MCTP1: variants seen among roughly 807,000 people sequenced by gnomAD.
The protein encoded by MCTP1 is multiple C2 and transmembrane domain-containing protein 1.
MCTP1 carries 69 observed loss-of-function variants against 120.6 expected under a neutral mutation model. The ratio of observed to expected loss-of-function variants is 0.57; its 90% CI spans 0.47 to 0.70. The LOEUF (loss-of-function observed/expected upper bound fraction) is 0.70. Ranked by LOEUF, MCTP1 falls within the 30% of genes least tolerant of loss-of-function variation. MCTP1 has a pLI of 0.00. For missense variants in MCTP1, 1,203 were observed against 1,248.8 expected (o/e 0.96, Z 0.55); for synonymous variants, 529 against 493.1 (o/e 1.07, Z -0.96).
intron 1 of MCTP1, among the ~76,000 whole-genome samples, chr5:95,075,672 G>C (rs1329499195): frequency 6.6e-6 from 1 of 152,112 alleles, no homozygotes; most frequent in Non-Finnish European, 1.5e-5. Flanking sequence ...TCTAAAACTT[G>C]TGTATATTTT....
At position 95,284,400 on chromosome 5, in the gene MCTP1, G is replaced by A. The variant is rs1343109758; in HGVS notation, c.176C>T (p.Pro59Leu). Residue 59 changes from proline (P) to leucine (L), a missense_variant, in exon 1 of 23, where the codon CCA becomes CTA. Physicochemically the swap from Pro to Leu is moderately conservative, Grantham distance 98. This residue lies in a region of MCTP1 where 463 missense variants were observed against 377.8 expected (regional missense o/e 1.23). Transcript: ENST00000515393. This position sits in a 1 kb window ranked among gnomAD's most constrained non-coding sequence, Gnocchi z 5.2. ...RTADTPSPSP[P>L]PPVGTGNAPA... ...TGCATTCCCTGTGCCCACCGGGGGT[G>A]GCGGGGAGGGCGACGGGGTGTCCGC... The A allele has an allele frequency of 6.3e-7, 1 of 1,588,382 alleles. No homozygotes were observed. The highest frequency in any genetic ancestry group is 8.5e-7 in the Non-Finnish European group (1 of 1,175,714).
chr5:95,122,800 G>T (rs1433747046), intron 1 of MCTP1, among the ~76,000 whole-genome samples: 1 of 152,206 alleles, frequency 6.6e-6, no homozygotes, highest in African/African-American at 2.4e-5. Context: ...TATACACATA[G>T]AGTACTATTC....
chr5:94,957,500 G>T (rs1311825516), intron 2 of MCTP1, among the ~76,000 whole-genome samples: 1 of 151,850 alleles, frequency 6.6e-6, no homozygotes, highest in East Asian at 1.9e-4. Context: ...AGACCCAATG[G>T]TGTATTCAGG....
chr5:94,914,103 G>A (rs188867043), intron 8 of MCTP1, among the ~76,000 whole-genome samples: 1 of 152,120 alleles, frequency 6.6e-6, no homozygotes, highest in Non-Finnish European at 1.5e-5. Flanking sequence ...AAACTAAAAA[G>A]GACATAAAAC....
intron 19 of MCTP1, among the ~76,000 whole-genome samples, chr5:94,764,382 T>C (rs1449581438): frequency 6.6e-6 from 1 of 152,204 alleles, no homozygotes; most frequent in Non-Finnish European, 1.5e-5. Context: ...CTATAATCCA[T>C]GCATCCTTGT....
chr5:94,789,649 A>G (rs1213027847), intron 18 of MCTP1: 2 of 152,166 alleles, frequency 1.3e-5, no homozygotes, highest in South Asian at 4.1e-4. Flanking sequence ...TCACACACAT[A>G]TATCTGGGAC....
At chr5:94,870,054 A>T (rs988294681) in intron 16 of MCTP1, among the ~76,000 whole-genome samples, 5 of 152,042 alleles carry the variant, frequency 3.3e-5, no homozygotes, top group African/African-American at 1.2e-4. Context: ...TTTGTACCTC[A>T]GCTTTTGGTG....
intron 19 of MCTP1, chr5:94,739,142 T>G (rs1764937157): frequency 1.3e-5 from 2 of 152,364 alleles, no homozygotes; most frequent in East Asian, 3.9e-4. Context: ...TCTAATTTAT[T>G]CATTTCACTT....
intron 19 of MCTP1, among the ~76,000 whole-genome samples, chr5:94,733,038 A>G (rs937041953): frequency 6.6e-6 from 1 of 152,242 alleles, no homozygotes; most frequent in Non-Finnish European, 1.5e-5. Context: ...GAGTAATTTT[A>G]TCTATTCCAA....
At chr5:94,800,639 C>A (rs1197369883) in intron 17 of MCTP1, among the ~76,000 whole-genome samples, 2 of 152,194 alleles carry the variant, frequency 1.3e-5, no homozygotes, top group African/African-American at 4.8e-5. Context: ...ATCTAATCAT[C>A]TTTAATATTT....
chr5:94,775,958 ATTTAT>A (rs1775208025), intron 19 of MCTP1, among the ~76,000 whole-genome samples: 9 of 143,446 alleles, frequency 6.3e-5, no homozygotes, highest in Admixed American at 5.5e-4. Context: ...ATAGAAATAT[ATTTAT>A]ATTATATATA....
intron 19 of MCTP1, among the ~76,000 whole-genome samples, chr5:94,768,260 G>A (rs1189586409): frequency 6.6e-6 from 1 of 151,960 alleles, no homozygotes; most frequent in Admixed American, 6.6e-5. Context: ...ACCTCAAAAT[G>A]GATTAAAGAT....
intron 11 of MCTP1, among the ~76,000 whole-genome samples, chr5:94,893,491 T>C (rs1439558371): frequency 6.6e-6 from 1 of 152,204 alleles, no homozygotes; most frequent in Non-Finnish European, 1.5e-5. Flanking sequence ...GGTTTAAAAA[T>C]ATATACTATT....
At chr5:95,071,003 A>T (rs1327228272) in intron 1 of MCTP1, among the ~76,000 whole-genome samples, 1 of 152,168 alleles carries the variant, frequency 6.6e-6, no homozygotes, top group African/African-American at 2.4e-5. Flanking sequence ...TGTTCCCAAG[A>T]TGAGGAGGCA....
chr5:94,821,493 T>G (rs1785645171), intron 17 of MCTP1, among the ~76,000 whole-genome samples: 1 of 152,202 alleles, frequency 6.6e-6, no homozygotes. Flanking sequence ...TTTTTCCTCC[T>G]GTTCTCTAAC....
Position 94,704,546 on chromosome 5 carries a change from T to G in MCTP1, c.*2950A>C, listed in dbSNP as rs1384653709. On this transcript the variant is annotated 3_prime_UTR_variant, in exon 23 of 23. Coordinates refer to ENST00000515393, the MANE Select transcript of MCTP1 (RefSeq NM_024717.7). ...TGGTCCCTAGATAAGCATTTACTTC[T>G]GAGTTTTTCTTCACTTTTAAATGCA... is the stretch of plus-strand genomic sequence containing the variant. 1 of 150,362 alleles carries G rather than the reference T, an allele frequency of 6.7e-6. No homozygotes were observed. Among genetic ancestry groups the G allele is most frequent in the East Asian group, 2.0e-4 (1 of 5,088 alleles). 9.3% of individuals were successfully genotyped at this position (150,362 alleles called of 1,614,324 possible).
intron 1 of MCTP1, among the ~76,000 whole-genome samples, chr5:95,021,721 G>A (rs1476620011): frequency 1.3e-5 from 2 of 151,920 alleles, no homozygotes; most frequent in Non-Finnish European, 2.9e-5. Flanking sequence ...CATATTGTCT[G>A]TATATAATGC....
At chr5:94,922,425 T>A (rs1484196526) in intron 7 of MCTP1, among the ~76,000 whole-genome samples, 1 of 152,078 alleles carries the variant, frequency 6.6e-6, no homozygotes, top group African/African-American at 2.4e-5. Flanking sequence ...TTGCTGCACA[T>A]AGAACAAACT....
intron 1 of MCTP1, among the ~76,000 whole-genome samples, chr5:95,182,382 A>G (rs1264919586): frequency 1.3e-5 from 2 of 152,232 alleles, no homozygotes; most frequent in Admixed American, 1.3e-4. Context: ...TTATACAAGA[A>G]GAAGGCAAGC....
Sources: allele counts gnomAD v4.1 joint callset (sites outside exome capture counted in the v4.1 genomes callset), GRCh38; gene constraint gnomAD v4.1.1; regional missense constraint gnomAD v4.1.1; non-coding constraint Gnocchi (gnomAD v3.1); transcripts MANE v1.5; gene names NCBI Gene and HGNC (gene_info 2026-07-23, HGNC 2026-07-21).